Variants in CEBPZ observed in about 807,000 individuals in gnomAD.
CEBPZ encodes the protein CCAAT enhancer binding protein zeta, also known as CCAAT/enhancer-binding protein zeta.
Under a neutral mutation model 104.5 loss-of-function variants are expected in CEBPZ, and 78 were observed. The observed-to-expected ratio is 0.75, with a 90% confidence interval of 0.62 to 0.90. The LOEUF (loss-of-function observed/expected upper bound fraction) is 0.90, where lower values mean the gene tolerates loss of function less well. Ranked by LOEUF, CEBPZ falls within the 40% of genes least tolerant of loss-of-function variation. CEBPZ has a pLI of 0.00. For synonymous variants in CEBPZ, 470 were observed against 427.0 expected (o/e 1.10, Z -1.24); for missense variants, 1,439 against 1,233.5 (o/e 1.17, Z -2.50).
At chr2:37,224,300 C>A (rs1294001837) in intron 2 of CEBPZ, among the ~76,000 whole-genome samples, 2 of 152,208 alleles carry the variant, frequency 1.3e-5, no homozygotes, top group Non-Finnish European at 2.9e-5. Flanking sequence ...GAATCCTACA[C>A]ATGTCCCCAA....
chr2:37,213,045 AAAAC>A (rs1398353000), intron 10 of CEBPZ, among the ~76,000 whole-genome samples: 35 of 151,928 alleles, frequency 2.3e-4, no homozygotes, highest in East Asian at 5.8e-4. Flanking sequence ...AGCCTGTCTC[AAAAC>A]AAACAAACAA....
chr2:37,208,194 G>C (rs1193304598), intron 13 of CEBPZ, among the ~76,000 whole-genome samples: 1 of 152,142 alleles, frequency 6.6e-6, no homozygotes, highest in African/African-American at 2.4e-5. Flanking sequence ...GGACCAGATG[G>C]ATTCACAGCT....
intron 2 of CEBPZ, among the ~76,000 whole-genome samples, chr2:37,226,129 C>A (rs1664881890): frequency 6.6e-6 from 1 of 151,902 alleles, no homozygotes; most frequent in East Asian, 1.9e-4. Flanking sequence ...TAAGGGAACT[C>A]AGAGGCTGGC....
At position 37,216,330 on chromosome 2, in the gene CEBPZ, G is replaced by A. The variant is rs1342560141; in HGVS notation, c.2297C>T (p.Pro766Leu). The change falls in exon 7 of 16, where the codon CCC (proline) becomes CTC (leucine). Residue 766 changes from proline (P) to leucine (L), a missense_variant. Transcript: ENST00000234170. ...LDRFVYRNPK[P>L]HKGKENTDSV... ...TAGAAGCATACCTTTGCCTTTATGG[G>A]GCTTTGGATTTCGGTATACAAATCG... 2 of 1,613,524 alleles carry A rather than the reference G, an allele frequency of 1.2e-6. No homozygotes were observed. Among genetic ancestry groups the A allele is most frequent in the Admixed American group, 1.7e-5 (1 of 59,982 alleles).
chr2:37,218,232 A>C (rs1664683969), intron 5 of CEBPZ, among the ~76,000 whole-genome samples: 1 of 151,934 alleles, frequency 6.6e-6, no homozygotes, highest in South Asian at 2.1e-4. Context: ...GCACCACCGC[A>C]CTCCAGCCTG....
chr2:37,228,120 A>G lies in CEBPZ; in HGVS notation c.1073T>C (p.Leu358Ser). ...AAGGGCTCGAGTTTTAGTGGTTACTAATGTATCATGACTTAAAGTTTCTAA... is the reference window on the plus strand; with the variant it reads ...AAGGGCTCGAGTTTTAGTGGTTACTGATGTATCATGACTTAAAGTTTCTAA... ...QVLETLSHDTLVTTKTRALTV... is the reference protein window; with the variant it reads ...QVLETLSHDTSVTTKTRALTV... The change falls in exon 2 of 16, where the codon TTA becomes TCA. Residue 358 changes from leucine (L) to serine (S), a missense_variant. By Grantham distance (145) the Leu-to-Ser change is moderately radical (BLOSUM62 -2). Transcript: ENST00000234170. 2 of 1,614,198 alleles carry G rather than the reference A, an allele frequency of 1.2e-6. No individual in the cohort carries two copies. The highest frequency in any genetic ancestry group is 1.7e-6 in the Non-Finnish European group (2 of 1,180,038).
In CEBPZ at chr2:37,211,204, G is replaced by T. The variant is rs371073683; in HGVS notation, c.2801-122C>A. 577 of 563,510 alleles carry T rather than the reference G, an allele frequency of 1.0e-3. 5 individuals are homozygous for T. In the South Asian group the frequency reaches 0.015, roughly 15 times the overall value. 34.9% of individuals were successfully genotyped at this position (563,510 alleles called of 1,614,324 possible). Reference sequence around the variant, plus strand: ...GGCACTATACTGCTATTCCATGTGGGTTTTGTAATTCCACTAGCATAGGCT... The same window carrying T: ...GGCACTATACTGCTATTCCATGTGGTTTTTGTAATTCCACTAGCATAGGCT... On this transcript the variant is annotated intron_variant, in intron 12 of 15. Coordinates refer to ENST00000234170, the MANE Select transcript of CEBPZ (RefSeq NM_005760.3).
intron 2 of CEBPZ, among the ~76,000 whole-genome samples, chr2:37,224,331 T>C (rs1480490055): frequency 1.3e-5 from 2 of 152,214 alleles, no homozygotes; most frequent in African/African-American, 2.4e-5. Flanking sequence ...CCTGCAGATA[T>C]TAGGACACCC....
At chr2:37,227,171 G>C (rs1417475165) in intron 2 of CEBPZ, among the ~76,000 whole-genome samples, 1 of 152,190 alleles carries the variant, frequency 6.6e-6, no homozygotes, top group Non-Finnish European at 1.5e-5. Context: ...AGAGGACTGA[G>C]GAGAATGGGA....
intron 13 of CEBPZ, among the ~76,000 whole-genome samples, chr2:37,204,935 C>T (rs904424405): frequency 1.3e-5 from 2 of 152,136 alleles, no homozygotes; most frequent in Non-Finnish European, 2.9e-5. Flanking sequence ...CTTTTACCAG[C>T]ATCTTTTAAT....
At chr2:37,225,353 T>G (rs1255685187) in intron 2 of CEBPZ, among the ~76,000 whole-genome samples, 1 of 152,100 alleles carries the variant, frequency 6.6e-6, no homozygotes, top group Non-Finnish European at 1.5e-5. Context: ...ATTGTTACTG[T>G]GTCTGTGTAG....
chr2:37,211,322 C>T (rs1311890067), intron 12 of CEBPZ: 2 of 350,084 alleles, frequency 5.7e-6, no homozygotes, highest in Admixed American at 9.0e-5. Flanking sequence ...ATTAATAAGA[C>T]CAAATAATAT....
intron 13 of CEBPZ, among the ~76,000 whole-genome samples, chr2:37,206,203 G>C (rs1677534370): frequency 6.6e-6 from 1 of 152,228 alleles, no homozygotes; most frequent in Non-Finnish European, 1.5e-5. Context: ...GCTCCCACAT[G>C]GATGGACAGA....
At chr2:37,217,180 T>C (rs1175749694) in intron 5 of CEBPZ, 143 bp from the exon 6 acceptor site, 6 of 640,204 alleles carry the variant, frequency 9.4e-6, no homozygotes, top group South Asian at 1.8e-5. Context: ...GGCAGATTGC[T>C]TGAGCCCAGA....
Position 37,222,463 on chromosome 2 carries a change from T to A in CEBPZ, c.1982A>T (p.Glu661Val). Residue 661 changes from glutamate to valine, a missense_variant, in exon 4 of 16, where the codon GAG becomes GTG. Glu to Val is a moderately radical substitution (Grantham distance 121). Transcript: ENST00000234170. ...DKETEIVKKLETEETVPETDV... is the reference protein window; with the variant it reads ...DKETEIVKKLVTEETVPETDV... ...AGTTTCAGGAACTGTTTCCTCTGTC[T>A]CAAGTTTTTTCACTATCTCTGTTTC... The A allele has an allele frequency of 6.2e-7, 1 of 1,611,936 alleles. No individual in the cohort carries two copies. Among genetic ancestry groups the A allele is most frequent in the Non-Finnish European group, 8.5e-7 (1 of 1,179,348 alleles).
At chr2:37,222,813 C>G (rs987628038) in intron 3 of CEBPZ, among the ~76,000 whole-genome samples, 1 of 152,176 alleles carries the variant, frequency 6.6e-6, no homozygotes, top group Admixed American at 6.5e-5. Flanking sequence ...TACTTGAAAA[C>G]AATTAGCCCT....
chr2:37,231,364 C>G (rs1223969055), intron 1 of CEBPZ, 48 bp downstream of exon 1: 7 of 1,610,964 alleles, frequency 4.3e-6, no homozygotes, highest in South Asian at 3.3e-5. Flanking sequence ...TAGCCACCTT[C>G]GGAACTCTCC....
chr2:37,222,285 A>G, intron 4 of CEBPZ, 95 bp downstream of exon 4: 2 of 1,115,692 alleles, frequency 1.8e-6, no homozygotes, highest in Non-Finnish European at 2.5e-6. Context: ...CTCTGTCTAA[A>G]TAAATAAATA....
rs1290286359 is a variant in CEBPZ, at chr2:37,220,328, AATAT to A, written c.2154+53_2154+56del. ...AAGACTCTGTCTCAAAAAAAAAAAA[AATAT>A]ATATATATATATATAGCATAAATGA... On this transcript the variant is annotated intron_variant, in intron 5 of 15. Transcript: ENST00000234170. The A allele has an allele frequency of 1.3e-3, 654 of 501,340 alleles. 46 individuals carry two copies. The highest frequency in any genetic ancestry group is 5.1e-3 in the South Asian group (83 of 16,422). The allele number at this position is 501,340 out of a possible 1,614,324, so 31.1% of individuals were successfully genotyped here.
Sources: allele counts gnomAD v4.1 joint callset (sites outside exome capture counted in the v4.1 genomes callset), GRCh38; gene constraint gnomAD v4.1.1; transcripts MANE v1.5; gene names NCBI Gene and HGNC (gene_info 2026-07-23, HGNC 2026-07-21).